Variants in ALK observed in about 807,000 individuals in gnomAD.
ALK encodes the protein ALK receptor tyrosine kinase, also known as ALK tyrosine kinase receptor.
Under a neutral mutation model 163.1 loss-of-function variants are expected in ALK, and 74 were observed. The observed-to-expected ratio is 0.45, with a 90% CI of 0.38 to 0.55. The LOEUF (loss-of-function observed/expected upper bound fraction) is 0.55, where lower values mean the gene tolerates loss of function less well. Among genes scored for constraint, ALK ranks in the 20% least tolerant of loss-of-function variants. The pLI, the probability that ALK is intolerant of heterozygous loss-of-function variation, is 0.00. For missense variants in ALK, 2,063 were observed against 2,105.3 expected, an observed-to-expected ratio of 0.98 and a Z score of 0.39; for synonymous variants, 960 against 843.2, an observed-to-expected ratio of 1.14 and a Z score of -2.40.
At chr2:29,249,938 C>G (rs1664775381) in intron 12 of ALK, among the ~76,000 whole-genome samples, 1 of 152,196 alleles carries the variant, frequency 6.6e-6, no homozygotes, top group Admixed American at 6.5e-5. Context: ...ATTTAAAAAG[C>G]ACTTAGGGCT....
intron 3 of ALK, among the ~76,000 whole-genome samples, chr2:29,661,878 T>C (rs1432055342): frequency 6.6e-6 from 1 of 152,154 alleles, no homozygotes; most frequent in African/African-American, 2.4e-5. Flanking sequence ...TGGAGTATCA[T>C]ACTGTGTCTT....
chr2:29,372,489 C>T (rs1044756593), intron 5 of ALK, among the ~76,000 whole-genome samples: 2 of 152,226 alleles, frequency 1.3e-5, no homozygotes, highest in African/African-American at 4.8e-5. Context: ...ATACCATGAT[C>T]TGCAATTTGG....
chr2:29,839,125 C>T (rs1665637030), intron 1 of ALK, among the ~76,000 whole-genome samples: 1 of 152,014 alleles, frequency 6.6e-6, no homozygotes, highest in African/African-American at 2.4e-5. Flanking sequence ...GCAAAGGGCT[C>T]TTAAATTGGT....
chr2:29,257,420 T>G (rs1664977280), intron 11 of ALK, among the ~76,000 whole-genome samples: 1 of 152,000 alleles, frequency 6.6e-6, no homozygotes, highest in African/African-American at 2.4e-5. Flanking sequence ...TTAAGCACAT[T>G]GTAGCACCCT....
At chr2:29,510,246 A>G (rs554658708) in intron 4 of ALK, among the ~76,000 whole-genome samples, 1 of 152,328 alleles carries the variant, frequency 6.6e-6, no homozygotes, top group South Asian at 2.1e-4. Context: ...TCTGGCAAGT[A>G]TGAAATGTCC....
Position 29,228,925 on chromosome 2 carries a change from C to G in ALK, c.2774G>C (p.Gly925Ala). 4.3e-6 allele frequency: 6 copies of G among 1,394,450 alleles called. No homozygotes were observed. Among genetic ancestry groups the G allele is most frequent in the Non-Finnish European group, 6.1e-6 (6 of 985,088 alleles). The allele number at this position is 1,394,450 out of a possible 1,614,324, so 86.4% of individuals were successfully genotyped here. Residue 925 changes from glycine (G) to alanine (A), a missense_variant, in exon 16 of 29, where the codon GGA becomes GCA. Physicochemically the swap from Gly to Ala is moderately conservative, Grantham distance 60. This residue lies in a region of ALK where 575 missense variants were observed against 626.6 expected (regional missense o/e 0.92). Transcript: ENST00000389048. Reference protein sequence around the residue: ...WETRGGFGGGGGGCSSGGGGG... With the variant: ...WETRGGFGGGAGGCSSGGGGG... ...TCCTCCACCTGAGGAGCACCCCCCT[C>G]CACCCCCTCCGAAACCCCCTCTTGT...
At chr2:29,862,470 C>T (rs550339332) in intron 1 of ALK, among the ~76,000 whole-genome samples, 1 of 151,976 alleles carries the variant, frequency 6.6e-6, no homozygotes, top group African/African-American at 2.4e-5. Context: ...AATCATCATA[C>T]AAAATTCAGG....
chr2:29,528,990 C>G (rs1558368833), intron 4 of ALK, among the ~76,000 whole-genome samples: 1 of 152,192 alleles, frequency 6.6e-6, no homozygotes, highest in South Asian at 2.1e-4. Context: ...GCCAACGTGG[C>G]CACTCATGCT....
chr2:29,658,473 A>G (rs1677254164), intron 3 of ALK, among the ~76,000 whole-genome samples: 2 of 152,354 alleles, frequency 1.3e-5, no homozygotes, highest in Admixed American at 1.3e-4. Flanking sequence ...TAATAAATAT[A>G]TCTTTTCTTG....
chr2:29,356,125 G>T (rs967582972), intron 5 of ALK, among the ~76,000 whole-genome samples: 2 of 152,174 alleles, frequency 1.3e-5, no homozygotes, highest in African/African-American at 4.8e-5. Context: ...GAATCTGAAG[G>T]CCCCTCTGTC....
At chr2:29,384,828 G>A (rs550695551) in intron 4 of ALK, among the ~76,000 whole-genome samples, 6 of 152,142 alleles carry the variant, frequency 3.9e-5, no homozygotes, top group East Asian at 3.9e-4. Context: ...CAAGGTGGGC[G>A]GATCATGAGG....
At chr2:29,763,743 T>C (rs1270639791) in intron 1 of ALK, among the ~76,000 whole-genome samples, 1 of 152,144 alleles carries the variant, frequency 6.6e-6, no homozygotes, top group East Asian at 1.9e-4. Flanking sequence ...AGTTATGATT[T>C]GTCTGAGGCC....
At chr2:29,827,190 T>C (rs572785905) in intron 1 of ALK, among the ~76,000 whole-genome samples, 1 of 152,350 alleles carries the variant, frequency 6.6e-6, no homozygotes, top group Non-Finnish European at 1.5e-5. Flanking sequence ...TCTGGGAGCA[T>C]GGTTTTCCAA....
intron 3 of ALK, among the ~76,000 whole-genome samples, chr2:29,647,265 C>T (rs1181466262): frequency 6.6e-6 from 1 of 152,148 alleles, no homozygotes; most frequent in Non-Finnish European, 1.5e-5. Flanking sequence ...TCCTTAAGTG[C>T]TATACTTATA....
chr2:29,322,789 G>A (rs1373258138), intron 6 of ALK, among the ~76,000 whole-genome samples: 1 of 152,196 alleles, frequency 6.6e-6, no homozygotes, highest in African/African-American at 2.4e-5. Flanking sequence ...AGCCAAGATT[G>A]TGCCACTGCA....
At chr2:29,194,986 G>A (rs1454049832) in intron 28 of ALK, among the ~76,000 whole-genome samples, 1 of 152,144 alleles carries the variant, frequency 6.6e-6, no homozygotes, top group Non-Finnish European at 1.5e-5. Context: ...ATTAAATTTG[G>A]AGAAATTAAT....
At position 29,920,810 on chromosome 2, in the gene ALK, C is replaced by T. The variant is rs73922108; in HGVS notation, c.-151G>A. 1.6e-3 allele frequency: 1,095 copies of T among 704,756 alleles called. 7 individuals carry two copies. In the African/African-American group the frequency reaches 0.018, roughly 12 times the overall value. 43.7% of individuals were successfully genotyped at this position (704,756 alleles called of 1,614,324 possible). On this transcript the variant is annotated 5_prime_UTR_variant, in exon 1 of 29. Transcript: ENST00000389048. ...ACTGTGCGTGCGCGCAAGTCTCTTG[C>T]TTTCCCCCAACTGCACGGAGGCGAG... is the stretch of plus-strand genomic sequence containing the variant.
chr2:29,901,659 G>A (rs1667416873), intron 1 of ALK, among the ~76,000 whole-genome samples: 2 of 152,168 alleles, frequency 1.3e-5, no homozygotes, highest in African/African-American at 4.8e-5. Flanking sequence ...GGGCTGTCCA[G>A]GGAACTGAGA....
chr2:29,649,777 A>G (rs1558425484), intron 3 of ALK, among the ~76,000 whole-genome samples: 1 of 151,888 alleles, frequency 6.6e-6, no homozygotes, highest in Non-Finnish European at 1.5e-5. Flanking sequence ...CTTATATTCC[A>G]TTTAGGGTCC....
Sources: allele counts gnomAD v4.1 joint callset (sites outside exome capture counted in the v4.1 genomes callset), GRCh38; gene constraint gnomAD v4.1.1; regional missense constraint gnomAD v4.1.1; transcripts MANE v1.5; gene names NCBI Gene and HGNC (gene_info 2026-07-23, HGNC 2026-07-21).